The following CADM2 variants were observed in gnomAD, a reference collection of about 807,000 sequenced individuals.
The protein encoded by CADM2 is immunoglobulin superfamily member 4D.
Under a neutral mutation model 49.8 loss-of-function variants are expected in CADM2, and 12 were observed. That is an observed-to-expected ratio of 0.24 (90% CI 0.15 to 0.39). CADM2 has a LOEUF of 0.39. Ranked by LOEUF, CADM2 falls within the 10% of genes least tolerant of loss-of-function variation. CADM2 has a pLI of 1.00. For synonymous variants in CADM2, 214 were observed against 175.4 expected, an observed-to-expected ratio of 1.22 and a Z score of -1.74; for missense variants, 378 against 492.3, an observed-to-expected ratio of 0.77 and a Z score of 2.20.
At chr3:85,345,552 A>G (rs2030542251) in intron 1 of CADM2, among the ~76,000 whole-genome samples, 2 of 152,036 alleles carry the variant, frequency 1.3e-5, no homozygotes, top group African/African-American at 4.8e-5. Flanking sequence ...ATGTGGGAAC[A>G]CCCAAAAAAC....
intron 1 of CADM2, among the ~76,000 whole-genome samples, chr3:85,375,650 C>G (rs534506463): frequency 1.3e-5 from 2 of 152,080 alleles, no homozygotes; most frequent in Non-Finnish European, 2.9e-5. Context: ...AATGCCAACA[C>G]GAACAAACGA....
chr3:85,862,421 A>G (rs925762279), intron 3 of CADM2, among the ~76,000 whole-genome samples: 7 of 152,138 alleles, frequency 4.6e-5, no homozygotes, highest in African/African-American at 1.4e-4. Context: ...AAATCTTAGG[A>G]AAAGTTTTTG....
At chr3:85,646,723 G>A (rs1348326253) in intron 1 of CADM2, among the ~76,000 whole-genome samples, 1 of 151,880 alleles carries the variant, frequency 6.6e-6, no homozygotes, top group Non-Finnish European at 1.5e-5. Context: ...TCAAATCGCA[G>A]CATAGAGGTG....
chr3:85,017,891 C>T (rs1158228486), intron 1 of CADM2, among the ~76,000 whole-genome samples: 2 of 152,080 alleles, frequency 1.3e-5, no homozygotes, highest in Non-Finnish European at 2.9e-5. Context: ...GAGATAGAAC[C>T]ATCATTTGGA....
intron 1 of CADM2, among the ~76,000 whole-genome samples, chr3:85,657,473 A>G (rs2065237418): frequency 6.6e-6 from 1 of 151,962 alleles, no homozygotes; most frequent in Non-Finnish European, 1.5e-5. Context: ...CCATGAGAAA[A>G]GAGGGAATGT....
chr3:85,617,089 C>T (rs557476284), intron 1 of CADM2, among the ~76,000 whole-genome samples: 8 of 152,180 alleles, frequency 5.3e-5, no homozygotes, highest in African/African-American at 1.7e-4. Flanking sequence ...TCAGTTCTTC[C>T]GTGGACGCCA....
intron 2 of CADM2, among the ~76,000 whole-genome samples, chr3:85,741,230 C>T (rs973814363): frequency 2.0e-5 from 3 of 152,030 alleles, no homozygotes; most frequent in African/African-American, 7.2e-5. Context: ...TAATTTCAGC[C>T]AATCGCTGCC....
At chr3:85,611,427 T>C (rs1284598247) in intron 1 of CADM2, among the ~76,000 whole-genome samples, 2 of 151,894 alleles carry the variant, frequency 1.3e-5, no homozygotes, top group African/African-American at 2.4e-5. Flanking sequence ...CTTGGGTTAG[T>C]TGAGCACCTG....
intron 2 of CADM2, among the ~76,000 whole-genome samples, chr3:85,739,871 T>C (rs1274156940): frequency 6.6e-6 from 1 of 152,160 alleles, no homozygotes; most frequent in Non-Finnish European, 1.5e-5. Flanking sequence ...TATCAAAGCT[T>C]GTGATAGTGA....
At chr3:85,511,887 G>A (rs1007886496) in intron 1 of CADM2, 2 of 981,620 alleles carry the variant, frequency 2.0e-6, no homozygotes, top group African/African-American at 3.5e-5. Context: ...AGTGTAATCA[G>A]ACTGCATCAA....
At chr3:85,110,602 A>G (rs561308443) in intron 1 of CADM2, among the ~76,000 whole-genome samples, 1 of 152,076 alleles carries the variant, frequency 6.6e-6, no homozygotes, top group Non-Finnish European at 1.5e-5. Context: ...TTACTAAAGT[A>G]GGTGGCACTG....
At chr3:85,407,809 C>A in intron 1 of CADM2, among the ~76,000 whole-genome samples, 1 of 151,470 alleles carries the variant, frequency 6.6e-6, no homozygotes. Flanking sequence ...ATAGTGAGAC[C>A]CTGATTCTAC....
chr3:85,571,038 T>A (rs145166303), intron 1 of CADM2, among the ~76,000 whole-genome samples: 20 of 152,304 alleles, frequency 1.3e-4, no homozygotes, highest in African/African-American at 4.8e-4. Context: ...AAGTGTGGGC[T>A]CATAAGTGAA....
At chr3:86,000,501 T>C (rs1334296573) in intron 8 of CADM2, among the ~76,000 whole-genome samples, 1 of 152,116 alleles carries the variant, frequency 6.6e-6, no homozygotes, top group African/African-American at 2.4e-5. Flanking sequence ...ATCTTTAAAA[T>C]ATATAGAGTT....
At chr3:85,704,889 C>A (rs1333358565) in intron 1 of CADM2, among the ~76,000 whole-genome samples, 2 of 148,760 alleles carry the variant, frequency 1.3e-5, no homozygotes, top group African/African-American at 5.0e-5. Flanking sequence ...GATGGAGTCT[C>A]GCTCTGTCGT....
chr3:85,142,889 C>T (rs1427182892), intron 1 of CADM2, among the ~76,000 whole-genome samples: 1 of 152,128 alleles, frequency 6.6e-6, no homozygotes, highest in Non-Finnish European at 1.5e-5. Flanking sequence ...GTGGGATTCA[C>T]TGAAGTGTAA....
At chr3:86,034,492 C>G (rs1734925476) in intron 8 of CADM2, among the ~76,000 whole-genome samples, 1 of 152,012 alleles carries the variant, frequency 6.6e-6, no homozygotes, top group Non-Finnish European at 1.5e-5. Context: ...CTGTGAGCAC[C>G]TTGTTCTTGG....
intron 1 of CADM2, among the ~76,000 whole-genome samples, chr3:85,031,438 TTCTG>T (rs1300784362): frequency 6.6e-6 from 1 of 152,204 alleles, no homozygotes; most frequent in Non-Finnish European, 1.5e-5. Context: ...CTTTCAGGTG[TTCTG>T]TCTAACTGTG....
chr3:85,549,537 A>G (rs1489474934), intron 1 of CADM2, among the ~76,000 whole-genome samples: 1 of 152,160 alleles, frequency 6.6e-6, no homozygotes, highest in African/African-American at 2.4e-5. Context: ...AAGGAATAAG[A>G]ACAGATAATT....
Sources: gnomAD v4.1 joint callset for allele counts (sites outside exome capture counted in the v4.1 genomes callset) on GRCh38, gnomAD v4.1.1 for gene constraint, MANE v1.5 for transcripts, NCBI Gene and HGNC (gene_info 2026-07-23, HGNC 2026-07-21) for gene names.